The following COL23A1 variants were observed in gnomAD, a reference collection of about 807,000 sequenced individuals.
COL23A1 encodes collagen type XXIII alpha 1 chain.
A neutral mutation model predicts 99.3 loss-of-function variants in COL23A1; 97 were observed. The ratio of observed to expected loss-of-function variants is 0.98; its 90% CI spans 0.83 to 1.16. The LOEUF is 1.16. COL23A1 is among the 50% of genes most tolerant of loss of function. The probability of loss-of-function intolerance (pLI) is 0.00; values close to 1 mark genes in which losing one functional copy is unlikely to be tolerated. For missense variants in COL23A1, 762 were observed against 757.4 expected, an observed-to-expected ratio of 1.01 and a Z score of -0.07; for synonymous variants, 320 against 308.2, an observed-to-expected ratio of 1.04 and a Z score of -0.40.
At chr5:178,469,109 A>G (rs1483688829) in intron 2 of COL23A1, among the ~76,000 whole-genome samples, 2 of 152,194 alleles carry the variant, frequency 1.3e-5, no homozygotes, top group Non-Finnish European at 2.9e-5. Flanking sequence ...GCTGAACCGC[A>G]TCCTGTTGTG....
At chr5:178,435,329 C>T (rs985493563) in intron 2 of COL23A1, among the ~76,000 whole-genome samples, 1 of 152,164 alleles carries the variant, frequency 6.6e-6, no homozygotes, top group African/African-American at 2.4e-5. Context: ...CATTTGCAAA[C>T]ATGGAGCTCA....
chr5:178,468,027 G>C lies in COL23A1; in HGVS notation c.361+92655C>G, dbSNP rs543767934. Among the ~76,000 whole-genome samples, 114 of 152,254 alleles carry C rather than the reference G, an allele frequency of 7.5e-4. 5 individuals carry two copies. The South Asian group carries it at 0.023, about 30-fold the overall frequency. ...GCGATGCTCTCTGGAGCGGACAGGC[G>C]TATTTAATATCCCACCCACGCATCA... On this transcript the variant is annotated intron_variant, in intron 2 of 28. Coordinates refer to ENST00000390654, the MANE Select transcript of COL23A1 (RefSeq NM_173465.4). The surrounding 1 kb of genome is among the most constrained non-coding windows in gnomAD (Gnocchi z 4.2).
chr5:178,412,308 A>T (rs948728994), intron 2 of COL23A1, among the ~76,000 whole-genome samples: 2 of 152,188 alleles, frequency 1.3e-5, no homozygotes, highest in African/African-American at 4.8e-5. Context: ...TTTTTTCTGT[A>T]AGGATATATA....
Position 178,544,568 on chromosome 5 carries a change from A to T in COL23A1, c.361+16114T>A, listed in dbSNP as rs1314117331. 6.6e-6 allele frequency among the ~76,000 whole-genome samples: 1 copy of T among 152,192 alleles called. No individual in the cohort carries two copies. The highest frequency in any genetic ancestry group is 1.5e-5 in the Non-Finnish European group (1 of 68,040). On this transcript the variant is annotated intron_variant, in intron 2 of 28. Transcript: ENST00000390654. This position sits in a 1 kb window ranked among gnomAD's most constrained non-coding sequence, Gnocchi z 4.4. The stretch of plus-strand genomic sequence containing the variant: ...AGGCCCAGAGGTACAGCTAGGAAGC[A>T]TGTCCCTCCTGGGTACAGCTGACAT...
chr5:178,304,998 T>A (rs1758273841), intron 3 of COL23A1, among the ~76,000 whole-genome samples: 1 of 152,346 alleles, frequency 6.6e-6, no homozygotes, highest in South Asian at 2.1e-4. Context: ...GTAAGCTGAA[T>A]AATATCATAC....
chr5:178,365,136 C>CGCGTGTGT lies in COL23A1; in HGVS notation c.362-58218_362-58217insACACACGC. Among the ~76,000 whole-genome samples, 1 of 147,910 alleles carries CGCGTGTGT rather than the reference C, an allele frequency of 6.8e-6. No individual in the cohort carries two copies. The highest frequency in any genetic ancestry group is 2.2e-4 in the South Asian group (1 of 4,550). ...GGGCTTTATGATGTTGCTGTGTGTG[C>CGCGTGTGT]GTGTGTGTGTGTGTGTGTGTGTGTG... On this transcript the variant is annotated intron_variant, in intron 2 of 28. Coordinates refer to ENST00000390654, the MANE Select transcript of COL23A1 (RefSeq NM_173465.4). The surrounding 1 kb of genome is among the most constrained non-coding windows in gnomAD (Gnocchi z 5.2).
chr5:178,451,656 C>CA (rs5873614), intron 2 of COL23A1, among the ~76,000 whole-genome samples: 56,781 of 105,510 alleles, frequency 0.54, 16,165 homozygotes, highest in East Asian at 0.91. Flanking sequence ...AACTCCATCT[C>CA]AAAAAAAAAA....
At chr5:178,342,345 A>G (rs1208037100) in intron 2 of COL23A1, among the ~76,000 whole-genome samples, 1 of 152,122 alleles carries the variant, frequency 6.6e-6, no homozygotes, top group Non-Finnish European at 1.5e-5. Context: ...TTCTCAGGCC[A>G]CAACTCCCCT....
chr5:178,428,216 C>T lies in COL23A1; in HGVS notation c.362-121297G>A, dbSNP rs1388990842. Among the ~76,000 whole-genome samples, 1 of 152,330 alleles carries T rather than the reference C, an allele frequency of 6.6e-6. No homozygotes were observed. The highest frequency in any genetic ancestry group is 6.5e-5 in the Admixed American group (1 of 15,298). On this transcript the variant is annotated intron_variant, in intron 2 of 28. Coordinates refer to ENST00000390654, the MANE Select transcript of COL23A1 (RefSeq NM_173465.4). This position sits in a 1 kb window ranked among gnomAD's most constrained non-coding sequence, Gnocchi z 5.0. ...AATCGTGTCCCCTTAGGTGACCAAGCCTTCTGCTGTGGGCTCCCCGAGGCA... is the reference window on the plus strand; with the variant it reads ...AATCGTGTCCCCTTAGGTGACCAAGTCTTCTGCTGTGGGCTCCCCGAGGCA...
chr5:178,590,003 C>A lies in COL23A1; in HGVS notation c.195G>T (p.Val65=). 7.4e-7 allele frequency: 1 copy of A among 1,351,004 alleles called. No individual in the cohort carries two copies. The allele number at this position is 1,351,004 out of a possible 1,614,324, so 83.7% of individuals were successfully genotyped here. ...GVQAAALQGR[V]AALEEERELL... ...GCTCCCGCTCCTCCTCGAGCGCCGC[C>A]ACCCGGCCCTGCAGCGCGGCCGCCT... Residue 65 remains valine (V), a synonymous_variant, in exon 1 of 29, where the codon GTG becomes GTT. Coordinates refer to ENST00000390654, the MANE Select transcript of COL23A1 (RefSeq NM_173465.4). This position sits in a 1 kb window ranked among gnomAD's most constrained non-coding sequence, Gnocchi z 5.7.
At chr5:178,436,384 A>C (rs1766563703) in intron 2 of COL23A1, among the ~76,000 whole-genome samples, 1 of 148,296 alleles carries the variant, frequency 6.7e-6, no homozygotes, top group Non-Finnish European at 1.5e-5. Flanking sequence ...GGAGAGGGCA[A>C]GAACCTCAGG....
chr5:178,424,228 A>G (rs1005642088), intron 2 of COL23A1, among the ~76,000 whole-genome samples: 1 of 152,192 alleles, frequency 6.6e-6, no homozygotes, highest in South Asian at 2.1e-4. Context: ...CTTGCCCTGC[A>G]TTAGGTGCCA....
intron 2 of COL23A1, among the ~76,000 whole-genome samples, chr5:178,498,249 T>TATAA (rs1326577074): frequency 1.7e-5 from 1 of 57,764 alleles, no homozygotes; most frequent in Non-Finnish European, 2.8e-5. Context: ...TATATATATA[T>TATAA]ATATATATAA....
At chr5:178,540,778 G>A (rs539477) in intron 2 of COL23A1, among the ~76,000 whole-genome samples, 63,649 of 151,864 alleles carry the variant, frequency 0.42, 13,987 homozygotes, top group African/African-American at 0.56. Flanking sequence ...TCTGCAAAAG[G>A]AAGCCAGGTG....
intron 2 of COL23A1, among the ~76,000 whole-genome samples, chr5:178,477,156 C>T (rs1342862835): frequency 1.3e-5 from 2 of 152,100 alleles, no homozygotes; most frequent in Admixed American, 6.6e-5. Context: ...TGAGAGATAG[C>T]GGCTGTTGAC....
chr5:178,489,264 CTT>C (rs1757800007), intron 2 of COL23A1, among the ~76,000 whole-genome samples: 1 of 152,206 alleles, frequency 6.6e-6, no homozygotes, highest in African/African-American at 2.4e-5. Context: ...GAGGGAGACA[CTT>C]TTTCTCCTCC....
chr5:178,262,020 C>T (rs1158963533), intron 10 of COL23A1, among the ~76,000 whole-genome samples, 197 bp downstream of exon 10: 1 of 152,248 alleles, frequency 6.6e-6, no homozygotes, highest in African/African-American at 2.4e-5. Flanking sequence ...GTGCCTCACC[C>T]AGCCATTTCC....
chr5:178,576,223 C>CA (rs1763348064), intron 1 of COL23A1, among the ~76,000 whole-genome samples: 1 of 152,176 alleles, frequency 6.6e-6, no homozygotes, highest in Admixed American at 6.5e-5. Flanking sequence ...CCCAATAGCC[C>CA]ACTGGCGTTG....
chr5:178,411,327 C>T (rs950928639), intron 2 of COL23A1, among the ~76,000 whole-genome samples: 8 of 152,150 alleles, frequency 5.3e-5, no homozygotes, highest in Non-Finnish European at 8.8e-5. Flanking sequence ...AAAACAGGAA[C>T]TCAAATACAT....
Sources: gnomAD v4.1 joint callset for allele counts (sites outside exome capture counted in the v4.1 genomes callset) on GRCh38, gnomAD v4.1.1 for gene constraint, Gnocchi (gnomAD v3.1) non-coding constraint, MANE v1.5 for transcripts, NCBI Gene and HGNC (gene_info 2026-07-23, HGNC 2026-07-21) for gene names.